Variants in NUSAP1 observed in about 807,000 individuals in gnomAD.
The protein encoded by NUSAP1 is nucleolar and spindle associated protein 1, also known as nucleolar and spindle-associated protein 1.
Under a neutral mutation model 52.8 loss-of-function variants are expected in NUSAP1, and 32 were observed. The ratio of observed to expected loss-of-function variants is 0.61; its 90% CI spans 0.46 to 0.81. The LOEUF is 0.81. Ranked by LOEUF, NUSAP1 falls within the 40% of genes least tolerant of loss-of-function variation. The pLI is 0.00. For synonymous variants in NUSAP1, 195 were observed against 183.1 expected (o/e 1.06, Z -0.52); for missense variants, 499 against 522.3 (o/e 0.96, Z 0.43).
At chr15:41,347,834 G>T (rs1383522783) in intron 2 of NUSAP1, among the ~76,000 whole-genome samples, 1 of 148,428 alleles carries the variant, frequency 6.7e-6, no homozygotes, top group Non-Finnish European at 1.5e-5. Context: ...AAAAAAGAAA[G>T]AAAACGGACT....
intron 10 of NUSAP1, among the ~76,000 whole-genome samples, chr15:41,378,808 C>T (rs1439010329): frequency 6.7e-6 from 1 of 149,604 alleles, no homozygotes. Flanking sequence ...AGGTCAAGCT[C>T]AAAATCACAT....
At chr15:41,350,917 G>A (rs1387060407) in intron 3 of NUSAP1, 71 bp from the exon 4 acceptor site, 7 of 1,341,970 alleles carry the variant, frequency 5.2e-6, no homozygotes, top group Non-Finnish European at 7.2e-6. Flanking sequence ...CCCTCACTTT[G>A]GTACTTATCT....
rs538112619 is a variant in NUSAP1, at chr15:41,380,875, C to G, written c.*689C>G. On this transcript the variant is annotated 3_prime_UTR_variant, in exon 11 of 11. Coordinates refer to ENST00000559596, the MANE Select transcript of NUSAP1 (RefSeq NM_016359.5). ...GCTTTAATGCTTTTAGAGACAGGGT[C>G]TCACTGTGTTGCCCAGGCTGGTCTC... 1 of 152,328 alleles carries G rather than the reference C, an allele frequency of 6.6e-6. No homozygotes were observed. The highest frequency in any genetic ancestry group is 1.9e-4 in the East Asian group (1 of 5,192). 9.4% of individuals were successfully genotyped at this position (152,328 alleles called of 1,614,324 possible).
chr15:41,379,341 G>T (rs536040687), intron 10 of NUSAP1, among the ~76,000 whole-genome samples: 6 of 150,710 alleles, frequency 4.0e-5, no homozygotes, highest in Admixed American at 2.0e-4. Context: ...TTGTCACCCA[G>T]ACTGGAGTAC....
chr15:41,366,574 G>T (rs963162661), intron 7 of NUSAP1, among the ~76,000 whole-genome samples: 1 of 152,240 alleles, frequency 6.6e-6, no homozygotes, highest in Middle Eastern at 3.4e-3. Flanking sequence ...GAGCCACCGC[G>T]CCTGGCCGCA....
chr15:41,333,955 G>T (rs1224338191), intron 1 of NUSAP1, among the ~76,000 whole-genome samples: 3 of 152,168 alleles, frequency 2.0e-5, no homozygotes, highest in Admixed American at 2.0e-4. Flanking sequence ...GTTAGAAGAA[G>T]ATTTGGGGAT....
intron 6 of NUSAP1, among the ~76,000 whole-genome samples, chr15:41,364,603 C>T (rs1190057830): frequency 6.6e-6 from 1 of 152,072 alleles, no homozygotes; most frequent in Non-Finnish European, 1.5e-5. Context: ...CACAGTGGCT[C>T]ACGCCTGTAA....
intron 9 of NUSAP1, among the ~76,000 whole-genome samples, chr15:41,376,316 T>C (rs1206471439): frequency 4.0e-5 from 6 of 151,184 alleles, no homozygotes; most frequent in Non-Finnish European, 8.8e-5. Flanking sequence ...GGACAATCGC[T>C]TGAACCTAGG....
intron 7 of NUSAP1, among the ~76,000 whole-genome samples, chr15:41,366,688 A>T (rs1347197128): frequency 1.3e-5 from 2 of 152,114 alleles, no homozygotes; most frequent in Non-Finnish European, 2.9e-5. Context: ...GAGTTCCCTT[A>T]AGATTATTAT....
chr15:41,337,159 G>A (rs1379116747), intron 1 of NUSAP1, among the ~76,000 whole-genome samples: 2 of 151,936 alleles, frequency 1.3e-5, no homozygotes, highest in South Asian at 2.1e-4. Context: ...TAGGACTACA[G>A]GCATGACCAC....
intron 1 of NUSAP1, 37 bp downstream of exon 1, chr15:41,333,087 G>A: frequency 2.0e-6 from 3 of 1,524,440 alleles, no homozygotes; most frequent in East Asian, 2.3e-5. Context: ...GGGCGGGCGC[G>A]GCGGGAATAG....
chr15:41,379,194 T>C (rs2050113613), intron 10 of NUSAP1, among the ~76,000 whole-genome samples: 1 of 152,058 alleles, frequency 6.6e-6, no homozygotes, highest in Non-Finnish European at 1.5e-5. Flanking sequence ...TCTCAGGTGA[T>C]CCACCCACCT....
intron 6 of NUSAP1, among the ~76,000 whole-genome samples, chr15:41,360,720 G>A (rs1200800044): frequency 6.6e-6 from 1 of 151,630 alleles, no homozygotes; most frequent in Non-Finnish European, 1.5e-5. Context: ...GCCTCCCAAA[G>A]TGCTGGGATT....
rs397952972 is a variant in NUSAP1 at position 41,380,255 on chromosome 15, T to TG, written c.*70dup. 86 of 1,058,998 alleles carry TG rather than the reference T, an allele frequency of 8.1e-5. No individual in the cohort carries two copies. Among genetic ancestry groups the TG allele is most frequent in the Middle Eastern group, 2.1e-4 (1 of 4,814 alleles). The allele number at this position is 1,058,998 out of a possible 1,614,324, so 65.6% of individuals were successfully genotyped here. On this transcript the variant is annotated 3_prime_UTR_variant, in exon 11 of 11. Coordinates refer to ENST00000559596, the MANE Select transcript of NUSAP1 (RefSeq NM_016359.5). ...TTTCCTTTTGTAAATTTTTTTTTTT[T>TG]GCTGTCATCCCCACTTTAGTCACGA...
intron 6 of NUSAP1, among the ~76,000 whole-genome samples, chr15:41,363,979 T>A (rs764844135): frequency 1.3e-4 from 20 of 151,940 alleles, no homozygotes; most frequent in Non-Finnish European, 2.4e-4. Flanking sequence ...ATTCCACATG[T>A]TAAATATATA....
chr15:41,358,279 T>C (rs1595568010), intron 6 of NUSAP1, 21 bp downstream of exon 6: 1 of 1,133,502 alleles, frequency 8.8e-7, no homozygotes, highest in Admixed American at 2.0e-5. Flanking sequence ...AAAATTATGT[T>C]CTTAATGGAA....
chr15:41,372,253 G>A (rs2049730758), intron 8 of NUSAP1, among the ~76,000 whole-genome samples: 2 of 151,932 alleles, frequency 1.3e-5, no homozygotes, highest in Non-Finnish European at 2.9e-5. Context: ...GCCCCTTGTG[G>A]GACTCAGGGA....
intron 4 of NUSAP1, among the ~76,000 whole-genome samples, chr15:41,352,321 T>A (rs1032305604): frequency 6.6e-6 from 1 of 152,074 alleles, no homozygotes; most frequent in East Asian, 1.9e-4. Context: ...AAATAAAATA[T>A]CTCAGTATTA....
intron 7 of NUSAP1, among the ~76,000 whole-genome samples, chr15:41,367,397 C>G (rs550458436): frequency 6.6e-6 from 1 of 152,162 alleles, no homozygotes; most frequent in African/African-American, 2.4e-5. Flanking sequence ...AGGCTCCAAG[C>G]AACTGGGGTC....
Sources: gnomAD v4.1 joint callset for allele counts (sites outside exome capture counted in the v4.1 genomes callset) on GRCh38, gnomAD v4.1.1 for gene constraint, MANE v1.5 for transcripts, NCBI Gene and HGNC (gene_info 2026-07-23, HGNC 2026-07-21) for gene names.